SYN3: variants seen among roughly 807,000 people sequenced by gnomAD.
SYN3 encodes the protein synapsin III, also known as synapsin-3.
A neutral mutation model predicts 65.8 loss-of-function variants in SYN3; 35 were observed. The observed-to-expected ratio is 0.53, with a 90% confidence interval of 0.41 to 0.70. The LOEUF (loss-of-function observed/expected upper bound fraction) is 0.70, where lower values mean the gene tolerates loss of function less well. Among genes scored for constraint, SYN3 ranks in the 30% least tolerant of loss-of-function variants. SYN3 has a pLI of 0.00. For synonymous variants in SYN3, 270 were observed against 292.9 expected (o/e 0.92, Z 0.80); for missense variants, 680 against 749.0 (o/e 0.91, Z 1.08).
At chr22:32,565,242 G>A (rs2058656940) in intron 7 of SYN3, among the ~76,000 whole-genome samples, 1 of 152,216 alleles carries the variant, frequency 6.6e-6, no homozygotes, top group African/African-American at 2.4e-5. Flanking sequence ...TTATCACTAT[G>A]CTGAGTTGCT....
At position 32,817,296 on chromosome 22, in the gene SYN3, AAAGCTCTGAG is replaced by A. The variant is rs1379905978; in HGVS notation, c.711+47609_711+47618del. Among the ~76,000 whole-genome samples the A allele has an allele frequency of 3.9e-5, 6 of 152,264 alleles. No individual in the cohort carries two copies. The East Asian group carries it at 7.7e-4, about 20-fold the overall frequency. ...GAGACATGTGGCTATTAGCATAGTA[AAAGCTCTGAG>A]AAGTCCTGCTGCATGGTGACCTGTT... On this transcript the variant is annotated intron_variant, in intron 6 of 13. Coordinates refer to ENST00000358763, the MANE Select transcript of SYN3 (RefSeq NM_003490.4).
chr22:32,812,238 A>C (rs552083332), intron 6 of SYN3, among the ~76,000 whole-genome samples: 1 of 152,308 alleles, frequency 6.6e-6, no homozygotes, highest in South Asian at 2.1e-4. Flanking sequence ...TCAGCACCTA[A>C]ATCTGTCAAC....
At chr22:32,599,023 C>T (rs539148509) in intron 6 of SYN3, among the ~76,000 whole-genome samples, 7 of 152,074 alleles carry the variant, frequency 4.6e-5, no homozygotes, top group African/African-American at 1.4e-4. Context: ...AAAAATCATC[C>T]TCAGACTGCT....
chr22:32,553,868 C>T (rs537508406), intron 7 of SYN3, among the ~76,000 whole-genome samples: 2 of 152,286 alleles, frequency 1.3e-5, no homozygotes, highest in Non-Finnish European at 2.9e-5. Context: ...CAAATGCTTC[C>T]TGTGGACTAC....
intron 7 of SYN3, among the ~76,000 whole-genome samples, chr22:32,552,779 C>G (rs146199103): frequency 2.4e-4 from 36 of 152,284 alleles, no homozygotes; most frequent in African/African-American, 8.2e-4. Context: ...GAGGACACTG[C>G]GATATGTAAC....
Position 32,781,851 on chromosome 22 carries a change from T to C in SYN3, c.711+83064A>G, listed in dbSNP as rs1040530623. On this transcript the variant is annotated intron_variant, in intron 6 of 13. Coordinates refer to ENST00000358763, the MANE Select transcript of SYN3 (RefSeq NM_003490.4). Reference sequence around the variant, plus strand: ...ATTACTGAGTAGATTTACAGCAGACTATGCTTCTCCTCCTCCTTTTTCATT... The same window carrying C: ...ATTACTGAGTAGATTTACAGCAGACCATGCTTCTCCTCCTCCTTTTTCATT... Among the ~76,000 whole-genome samples the C allele has an allele frequency of 2.6e-5, 4 of 152,076 alleles. No individual in the cohort carries two copies. In the East Asian group the frequency reaches 7.7e-4, roughly 29 times the overall value.
chr22:32,668,411 A>G (rs1400090186), intron 6 of SYN3, among the ~76,000 whole-genome samples: 3 of 136,830 alleles, frequency 2.2e-5, no homozygotes, highest in African/African-American at 8.5e-5. Flanking sequence ...CCTGTGGATG[A>G]GAAATTGTTA....
intron 6 of SYN3, chr22:32,860,909 TTG>T (rs2048516632): frequency 8.9e-6 from 1 of 112,020 alleles, no homozygotes. Flanking sequence ...AGGGTTTCTG[TTG>T]TGTTTTTTTT....
intron 13 of SYN3, among the ~76,000 whole-genome samples, chr22:32,516,368 T>G (rs2057776141): frequency 6.6e-6 from 1 of 151,772 alleles, no homozygotes; most frequent in Non-Finnish European, 1.5e-5. Context: ...TATTTATTTA[T>G]TTATTTATTT....
At chr22:32,912,338 G>A (rs2146587229) in intron 4 of SYN3, among the ~76,000 whole-genome samples, 1 of 152,270 alleles carries the variant, frequency 6.6e-6, no homozygotes, top group Non-Finnish European at 1.5e-5. Context: ...AGAATACGTG[G>A]GGCCTGGGAT....
chr22:32,668,376 C>G (rs1253752658), intron 6 of SYN3, among the ~76,000 whole-genome samples: 1 of 150,964 alleles, frequency 6.6e-6, no homozygotes, highest in Non-Finnish European at 1.5e-5. Flanking sequence ...TTCCTTCACT[C>G]CTTTCCCCTT....
At chr22:32,994,307 G>A (rs1051665805) in intron 2 of SYN3, among the ~76,000 whole-genome samples, 1 of 152,118 alleles carries the variant, frequency 6.6e-6, no homozygotes, top group African/African-American at 2.4e-5. Context: ...AGGACTGCGA[G>A]GGGGTAGGGA....
intron 7 of SYN3, among the ~76,000 whole-genome samples, chr22:32,571,939 C>A (rs1296959319): frequency 1.3e-5 from 2 of 151,914 alleles, no homozygotes; most frequent in African/African-American, 4.8e-5. Context: ...GGTGTTGGCG[C>A]TCCAGTTGTG....
At chr22:32,658,136 C>G (rs1383417918) in intron 6 of SYN3, among the ~76,000 whole-genome samples, 1 of 152,198 alleles carries the variant, frequency 6.6e-6, no homozygotes, top group African/African-American at 2.4e-5. Flanking sequence ...GAGACCTCTC[C>G]ATTCTTACGG....
chr22:32,814,417 C>G (rs1230561945), intron 6 of SYN3, among the ~76,000 whole-genome samples: 1 of 149,940 alleles, frequency 6.7e-6, no homozygotes, highest in Non-Finnish European at 1.5e-5. Context: ...TGAGAAAAGG[C>G]CATTCCTAAC....
intron 6 of SYN3, among the ~76,000 whole-genome samples, chr22:32,773,883 C>A (rs974630203): frequency 2.0e-4 from 30 of 152,198 alleles, no homozygotes; most frequent in Non-Finnish European, 3.7e-4. Flanking sequence ...GCAGGGAGAA[C>A]TGATATCCAA....
intron 1 of SYN3, among the ~76,000 whole-genome samples, chr22:33,045,722 A>G (rs561862041): frequency 6.6e-6 from 1 of 152,088 alleles, no homozygotes; most frequent in East Asian, 1.9e-4. Context: ...TCGGCCTCCC[A>G]AAGTGCTGGG....
At chr22:33,011,552 T>C (rs1275805864) in intron 1 of SYN3, among the ~76,000 whole-genome samples, 3 of 152,162 alleles carry the variant, frequency 2.0e-5, no homozygotes, top group Non-Finnish European at 4.4e-5. Flanking sequence ...GGCAATGTTT[T>C]TGCTAGGTTT....
At position 32,509,607 on chromosome 22, in the gene SYN3, T is replaced by C. The variant is rs57269803; in HGVS notation, c.*4085A>G. Among the ~76,000 whole-genome samples, 965 of 152,126 alleles carry C rather than the reference T, an allele frequency of 6.3e-3. 10 individuals are homozygous for C. Among genetic ancestry groups the C allele is most frequent in the African/African-American group, 0.022 (919 of 41,480 alleles). On this transcript the variant is annotated 3_prime_UTR_variant, in exon 14 of 14. Transcript: ENST00000358763. ...ATTTTGAGACAGAGTCTCACTCTGT[T>C]GCCCAGGCTGGAGTGCAGTGGTGCG...
Sources: allele counts gnomAD v4.1 joint callset (sites outside exome capture counted in the v4.1 genomes callset), GRCh38; gene constraint gnomAD v4.1.1; transcripts MANE v1.5; gene names NCBI Gene and HGNC (gene_info 2026-07-23, HGNC 2026-07-21).